The following PTPRD variants were observed in gnomAD, a reference collection of about 807,000 sequenced individuals.
PTPRD encodes the protein receptor-type tyrosine-protein phosphatase delta.
PTPRD carries 34 observed loss-of-function variants against 214.5 expected under a neutral mutation model. The ratio of observed to expected loss-of-function variants is 0.16; its 90% CI spans 0.12 to 0.21. The LOEUF (loss-of-function observed/expected upper bound fraction) is 0.21, where lower values mean the gene tolerates loss of function less well. PTPRD is among the 10% of genes least tolerant of loss of function. PTPRD has a pLI of 1.00. For missense variants in PTPRD, 2,545 were observed against 2,398.7 expected (o/e 1.06, Z -1.27); for synonymous variants, 1,128 against 845.7 (o/e 1.33, Z -5.79).
chr9:8,573,758 GAA>G (rs1301613365), intron 14 of PTPRD, among the ~76,000 whole-genome samples: 1 of 151,708 alleles, frequency 6.6e-6, no homozygotes, highest in Non-Finnish European at 1.5e-5. Flanking sequence ...AGTATTTATG[GAA>G]CATTACTCTT....
chr9:10,156,465 G>T (rs776394506), intron 3 of PTPRD, among the ~76,000 whole-genome samples: 7 of 152,064 alleles, frequency 4.6e-5, no homozygotes, highest in Non-Finnish European at 8.8e-5. Context: ...CTTTAGTCTT[G>T]ATTTCTAATT....
intron 12 of PTPRD, among the ~76,000 whole-genome samples, chr9:8,696,503 T>C (rs1408879696): frequency 1.3e-5 from 2 of 152,058 alleles, no homozygotes; most frequent in East Asian, 3.9e-4. Flanking sequence ...ATGAATTAGA[T>C]AAACTTGGTG....
chr9:8,576,458 C>CTA (rs1030846307), intron 14 of PTPRD, among the ~76,000 whole-genome samples: 27 of 151,838 alleles, frequency 1.8e-4, no homozygotes, highest in African/African-American at 5.8e-4. Flanking sequence ...CCAATGTTTC[C>CTA]TAAAGCTTCA....
At position 10,489,985 on chromosome 9, in the gene PTPRD, G is replaced by A. The variant is rs964733101; in HGVS notation, c.-600+122413C>T. On this transcript the variant is annotated intron_variant, in intron 2 of 45. Transcript: ENST00000381196. ...ACTTTGAGTGCTCACTTGATTTTTG[G>A]TTCTTATGAAGGCGCATTGTTTTGT... Among the ~76,000 whole-genome samples the A allele has an allele frequency of 2.0e-5, 3 of 152,214 alleles. No individual in the cohort carries two copies. The East Asian group carries it at 5.8e-4, about 29-fold the overall frequency.
chr9:10,052,006 G>T (rs1192033949), intron 3 of PTPRD, among the ~76,000 whole-genome samples: 1 of 152,048 alleles, frequency 6.6e-6, no homozygotes, highest in South Asian at 2.1e-4. Context: ...GTACAGTGTT[G>T]TGATCACAGC....
At position 9,765,837 on chromosome 9, in the gene PTPRD, T is replaced by A. The variant is rs976168011; in HGVS notation, c.-326+973A>T. Among the ~76,000 whole-genome samples the A allele has an allele frequency of 4.6e-5, 7 of 151,694 alleles. No homozygotes were observed. The South Asian group carries it at 1.2e-3, about 27-fold the overall frequency. On this transcript the variant is annotated intron_variant, in intron 6 of 45. Coordinates refer to ENST00000381196, the MANE Select transcript of PTPRD (RefSeq NM_002839.4). ...CACCACCCCTGGCTAATTTTTTTTT[T>A]ATTTTTAGTAGAGACGGGGTTTCAC...
At chr9:9,314,280 C>A (rs953938516) in intron 9 of PTPRD, among the ~76,000 whole-genome samples, 12 of 152,018 alleles carry the variant, frequency 7.9e-5, no homozygotes, top group Non-Finnish European at 1.8e-4. Context: ...TTTAACGGAA[C>A]AAAATTTGTA....
At chr9:10,393,403 A>T (rs992339451) in intron 2 of PTPRD, among the ~76,000 whole-genome samples, 1 of 151,644 alleles carries the variant, frequency 6.6e-6, no homozygotes, top group Non-Finnish European at 1.5e-5. Context: ...AATACATTAG[A>T]CCCATTTCTT....
intron 30 of PTPRD, among the ~76,000 whole-genome samples, chr9:8,472,157 C>T (rs1318685636): frequency 6.6e-6 from 1 of 152,114 alleles, no homozygotes; most frequent in East Asian, 1.9e-4. Flanking sequence ...CGCAAAGCTA[C>T]ATTTATCTTA....
chr9:10,510,939 T>G (rs887190221), intron 2 of PTPRD, among the ~76,000 whole-genome samples: 2 of 152,138 alleles, frequency 1.3e-5, no homozygotes, highest in East Asian at 1.9e-4. Flanking sequence ...CACATATGAC[T>G]GGGAACGTAA....
intron 34 of PTPRD, chr9:8,437,291 A>G: frequency 7.4e-7 from 1 of 1,353,294 alleles, no homozygotes; most frequent in Non-Finnish European, 9.9e-7. Context: ...AATTCTTCAA[A>G]AAAAAATGAA....
chr9:10,534,533 T>G (rs2057283563), intron 2 of PTPRD, among the ~76,000 whole-genome samples: 1 of 152,050 alleles, frequency 6.6e-6, no homozygotes, highest in Admixed American at 6.6e-5. Flanking sequence ...TTATAGCCCA[T>G]TAACATAAAT....
intron 35 of PTPRD, among the ~76,000 whole-genome samples, chr9:8,418,601 G>A (rs62534010): frequency 0.061 from 8,990 of 146,336 alleles, 374 homozygotes; most frequent in Middle Eastern, 0.091. Context: ...ATCATTTCTT[G>A]TCTCAATTTC....
At chr9:8,531,137 T>C (rs760583312) in intron 14 of PTPRD, among the ~76,000 whole-genome samples, 11 of 152,072 alleles carry the variant, frequency 7.2e-5, no homozygotes, top group Admixed American at 7.2e-4. Flanking sequence ...TGTGAATGTT[T>C]ACACATCGTC....
In PTPRD at chr9:9,671,294, G is replaced by C. The variant is rs1174345993; in HGVS notation, c.-287+63239C>G. On this transcript the variant is annotated intron_variant, in intron 7 of 45. Coordinates refer to ENST00000381196, the MANE Select transcript of PTPRD (RefSeq NM_002839.4). ...TGTTTTGGCCAATGTCTCCCACTTG[G>C]AATGGCTATAGTTACCCAATACCTG... Among the ~76,000 whole-genome samples the C allele has an allele frequency of 5.9e-5, 9 of 152,112 alleles. No homozygotes were observed. The South Asian group carries it at 1.5e-3, about 25-fold the overall frequency.
chr9:9,037,704 C>T (rs775294288), intron 10 of PTPRD, among the ~76,000 whole-genome samples: 14 of 152,096 alleles, frequency 9.2e-5, no homozygotes, highest in Non-Finnish European at 1.8e-4. Context: ...AGAAAGGTGT[C>T]CAGCAAAAAT....
intron 3 of PTPRD, among the ~76,000 whole-genome samples, chr9:10,146,425 A>C (rs1592341205): frequency 1.3e-5 from 2 of 152,078 alleles, no homozygotes; most frequent in South Asian, 4.1e-4. Flanking sequence ...AAATAAACAA[A>C]TATATAAAAT....
At chr9:9,449,704 T>C (rs755834017) in intron 8 of PTPRD, among the ~76,000 whole-genome samples, 1 of 151,984 alleles carries the variant, frequency 6.6e-6, no homozygotes, top group Non-Finnish European at 1.5e-5. Flanking sequence ...TATTCAGACA[T>C]AACCTCAATT....
At chr9:9,896,700 T>G (rs2075073891) in intron 5 of PTPRD, among the ~76,000 whole-genome samples, 1 of 152,066 alleles carries the variant, frequency 6.6e-6, no homozygotes, top group Middle Eastern at 3.2e-3. Context: ...AAAGAATACT[T>G]TAAAGAACAT....
Sources: gnomAD v4.1 joint callset for allele counts (sites outside exome capture counted in the v4.1 genomes callset) on GRCh38, gnomAD v4.1.1 for gene constraint, MANE v1.5 for transcripts, NCBI Gene and HGNC (gene_info 2026-07-23, HGNC 2026-07-21) for gene names.